Variants in MBOAT1 observed in about 807,000 individuals in gnomAD.
MBOAT1 encodes membrane-bound glycerophospholipid O-acyltransferase 1.
MBOAT1 carries 67 observed loss-of-function variants against 64.4 expected under a neutral mutation model. That is an observed-to-expected ratio of 1.04 (90% CI 0.85 to 1.27). The LOEUF (loss-of-function observed/expected upper bound fraction) is 1.27. Ranked by LOEUF, MBOAT1 falls within the 50% of genes most tolerant of loss-of-function variation. MBOAT1 has a pLI of 0.00. For synonymous variants in MBOAT1, 229 were observed against 218.9 expected (o/e 1.05, Z -0.41); for missense variants, 563 against 604.6 (o/e 0.93, Z 0.72).
At chr6:20,165,735 T>G (rs1003987683) in intron 1 of MBOAT1, among the ~76,000 whole-genome samples, 1 of 105,078 alleles carries the variant, frequency 9.5e-6, no homozygotes, top group Non-Finnish European at 2.0e-5. Context: ...AGAGCAAGAC[T>G]CTGTTTCAAA....
At chr6:20,202,964 A>G (rs772245099) in intron 1 of MBOAT1, among the ~76,000 whole-genome samples, 27 of 152,200 alleles carry the variant, frequency 1.8e-4, no homozygotes, top group Non-Finnish European at 3.2e-4. Context: ...ATATTTCCAG[A>G]TTTTATCTCT....
chr6:20,128,691 T>C lies in MBOAT1; in HGVS notation c.530+8A>G. ...GGGCTTGTTAATATATCGTTACACT[T>C]CACTTACTTGATAGCAAGTCGATGT... On this transcript the variant is annotated splice_region_variant and intron_variant, in intron 6 of 12. Coordinates refer to ENST00000324607, the MANE Select transcript of MBOAT1 (RefSeq NM_001080480.3). 6.2e-7 allele frequency: 1 copy of C among 1,606,220 alleles called. No homozygotes were observed.
intron 1 of MBOAT1, among the ~76,000 whole-genome samples, chr6:20,191,542 C>T (rs1762801294): frequency 1.3e-5 from 2 of 152,160 alleles, no homozygotes; most frequent in African/African-American, 4.8e-5. Flanking sequence ...AGTTAACACC[C>T]AGCTTTAAGC....
intron 1 of MBOAT1, among the ~76,000 whole-genome samples, chr6:20,188,405 A>C (rs1269352965): frequency 6.6e-6 from 1 of 152,188 alleles, no homozygotes; most frequent in African/African-American, 2.4e-5. Context: ...GTTCTGTTAC[A>C]GTCTCACCAA....
At chr6:20,110,092 G>T (rs1760088955) in intron 11 of MBOAT1, among the ~76,000 whole-genome samples, 1 of 151,232 alleles carries the variant, frequency 6.6e-6, no homozygotes, top group African/African-American at 2.4e-5. Flanking sequence ...TGTATTTTTA[G>T]TAGAGCTGGG....
At chr6:20,132,635 C>T (rs564866148) in intron 4 of MBOAT1, among the ~76,000 whole-genome samples, 66 of 152,232 alleles carry the variant, frequency 4.3e-4, no homozygotes, top group South Asian at 1.9e-3. Context: ...TAGAAGAAAA[C>T]GTAAGTATAA....
At chr6:20,112,535 A>G (rs1366576145) in intron 11 of MBOAT1, among the ~76,000 whole-genome samples, 1 of 152,194 alleles carries the variant, frequency 6.6e-6, no homozygotes. Context: ...TGGTGCCTAC[A>G]TTAATTAATA....
intron 4 of MBOAT1, among the ~76,000 whole-genome samples, chr6:20,139,168 C>T (rs374974775): frequency 2.0e-5 from 3 of 152,190 alleles, no homozygotes; most frequent in East Asian, 3.9e-4. Flanking sequence ...CCCTGTCGCC[C>T]AGGCTGGAAT....
Position 20,099,721 on chromosome 6 carries a change from T to C in MBOAT1, c.*2565A>G, listed in dbSNP as rs1237214887. On this transcript the variant is annotated 3_prime_UTR_variant, in exon 13 of 13. Transcript: ENST00000324607. ...CTTTTTCAAAAACAAAACCAGAAAG[T>C]GTATTTATTTTCAACTGAAAGCTCA... Among the ~76,000 whole-genome samples the C allele has an allele frequency of 6.6e-6, 1 of 150,670 alleles. No individual in the cohort carries two copies. The highest frequency in any genetic ancestry group is 2.4e-5 in the African/African-American group (1 of 40,990).
intron 1 of MBOAT1, among the ~76,000 whole-genome samples, chr6:20,173,365 G>GAAA (rs567112167): frequency 1.4e-5 from 2 of 140,142 alleles, no homozygotes. Flanking sequence ...ATCCATGAAA[G>GAAA]AAAAAAAAAA....
intron 1 of MBOAT1, among the ~76,000 whole-genome samples, chr6:20,207,312 A>C (rs1349307469): frequency 6.6e-6 from 1 of 152,122 alleles, no homozygotes; most frequent in Non-Finnish European, 1.5e-5. Context: ...TCACAACTTA[A>C]ACCCTGCGAT....
intron 3 of MBOAT1, among the ~76,000 whole-genome samples, chr6:20,148,353 G>A (rs1320980720): frequency 6.6e-6 from 1 of 152,116 alleles, no homozygotes; most frequent in Non-Finnish European, 1.5e-5. Context: ...GGAGGAAGAG[G>A]TTGCAGACAA....
intron 11 of MBOAT1, among the ~76,000 whole-genome samples, chr6:20,111,718 C>T: frequency 6.6e-6 from 1 of 150,536 alleles, no homozygotes; most frequent in Non-Finnish European, 1.5e-5. Context: ...AAGAAAATGT[C>T]TCCCCTGTTT....
intron 1 of MBOAT1, among the ~76,000 whole-genome samples, chr6:20,207,558 C>T (rs956329569): frequency 6.6e-6 from 1 of 152,038 alleles, no homozygotes; most frequent in African/African-American, 2.4e-5. Flanking sequence ...ATGCATTTTA[C>T]ATTTTAAAGG....
At chr6:20,158,104 C>A (rs527830079) in intron 1 of MBOAT1, among the ~76,000 whole-genome samples, 27 of 142,672 alleles carry the variant, frequency 1.9e-4, no homozygotes, top group African/African-American at 7.1e-4. Context: ...TACAGTGAGG[C>A]AAGATCATAT....
intron 1 of MBOAT1, among the ~76,000 whole-genome samples, chr6:20,178,085 T>C (rs1357943197): frequency 1.3e-5 from 2 of 152,278 alleles, no homozygotes; most frequent in African/African-American, 4.8e-5. Context: ...TCTATACCCA[T>C]GTGGAAGGAA....
Position 20,128,698 on chromosome 6 carries a change from C to T in MBOAT1, c.530+1G>A. On this transcript the variant is annotated splice_donor_variant, in intron 6 of 12. Transcript: ENST00000324607. LOFTEE classifies it high-confidence loss of function. ...TTAATATATCGTTACACTTCACTTA[C>T]TTGATAGCAAGTCGATGTTGTTCAG... 2.5e-6 allele frequency: 4 copies of T among 1,608,536 alleles called. No individual in the cohort carries two copies. The highest frequency in any genetic ancestry group is 1.7e-4 in the Middle Eastern group (1 of 6,038).
At chr6:20,110,814 GA>G (rs1760116083) in intron 11 of MBOAT1, among the ~76,000 whole-genome samples, 1 of 151,974 alleles carries the variant, frequency 6.6e-6, no homozygotes. Context: ...GTTAATTTTG[GA>G]AAAGTTAGCT....
chr6:20,160,542 C>T (rs1482995602), intron 1 of MBOAT1, among the ~76,000 whole-genome samples: 1 of 152,118 alleles, frequency 6.6e-6, no homozygotes, highest in Non-Finnish European at 1.5e-5. Context: ...TCATAAGGGG[C>T]TCATATTCAA....
Sources: allele counts gnomAD v4.1 joint callset (sites outside exome capture counted in the v4.1 genomes callset), GRCh38; gene constraint gnomAD v4.1.1; transcripts MANE v1.5; gene names NCBI Gene and HGNC (gene_info 2026-07-23, HGNC 2026-07-21).